COL7A1: variants seen among roughly 807,000 people sequenced by gnomAD.
COL7A1 encodes the protein collagen type VII alpha 1 chain.
COL7A1 carries 296 observed loss-of-function variants against 456.2 expected under a neutral mutation model. That is an observed-to-expected ratio of 0.65 (90% CI 0.59 to 0.71). The LOEUF is 0.71. COL7A1 is among the 30% of genes least tolerant of loss of function. The pLI, the probability that COL7A1 is intolerant of heterozygous loss-of-function variation, is 0.00. For synonymous variants in COL7A1, 1,464 were observed against 1,525.9 expected (o/e 0.96, Z 0.95); for missense variants, 3,441 against 4,017.2 (o/e 0.86, Z 3.88).
Position 48,589,602 on chromosome 3 carries a change from G to A in COL7A1, c.2167C>T (p.His723Tyr), listed in dbSNP as rs1200537150. ...TGYRVSWHSA[H>Y]GPEKSQLVSG... ...CCTCCCAAACCCCAGTCCCCACCGT[G>A]GGCTGAGTGCCAGGAAACCCTGTAT... is the stretch of plus-strand genomic sequence containing the variant. The change falls in exon 17 of 119, where the codon CAC (histidine) becomes TAC (tyrosine). Residue 723 changes from histidine to tyrosine, a missense_variant. Coordinates refer to ENST00000681320, the MANE Select transcript of COL7A1 (RefSeq NM_000094.4). The A allele has an allele frequency of 1.2e-6, 2 of 1,613,166 alleles. No individual in the cohort carries two copies. Among genetic ancestry groups the A allele is most frequent in the East Asian group, 4.5e-5 (2 of 44,872 alleles).
At position 48,579,870 on chromosome 3, in the gene COL7A1, C is replaced by T. The variant is rs760014655; in HGVS notation, c.5125-56G>A. The T allele has an allele frequency of 9.9e-5, 159 of 1,612,686 alleles. No homozygotes were observed. The highest frequency in any genetic ancestry group is 1.3e-4 in the Non-Finnish European group (156 of 1,179,280). ...GCTCAACAAGGGGAAGAGGAGTTGG[C>T]GAGGGGATACAGGGTCTGTGAGGGG... On this transcript the variant is annotated intron_variant, in intron 57 of 118. Coordinates refer to ENST00000681320, the MANE Select transcript of COL7A1 (RefSeq NM_000094.4). The surrounding 1 kb of genome is among the most constrained non-coding windows in gnomAD (Gnocchi z 4.4).
chr3:48,568,578 C>T lies in COL7A1; in HGVS notation c.7759-44G>A. 6.3e-7 allele frequency: 1 copy of T among 1,588,300 alleles called. No homozygotes were observed. The highest frequency in any genetic ancestry group is 1.1e-5 in the South Asian group (1 of 88,634). ...GGGGAGCCCTTCAGTGGGACTGTCC[C>T]CAACACTGGCCCATCCGCTGCATGT... is the stretch of plus-strand genomic sequence containing the variant. On this transcript the variant is annotated intron_variant, in intron 104 of 118. Coordinates refer to ENST00000681320, the MANE Select transcript of COL7A1 (RefSeq NM_000094.4). The surrounding 1 kb of genome is among the most constrained non-coding windows in gnomAD (Gnocchi z 5.2).
At position 48,573,183 on chromosome 3, in the gene COL7A1, TGAAGGGCCG is replaced by T. The variant is rs2107661452; in HGVS notation, c.6696_6704del (p.Pro2234_Gly2236del). ...ACAGGGACTCACTCACCACAAGGCC[TGAAGGGCCG>T]GGGGGTCCAGGAAGTCCCACAGCTC... is the stretch of plus-strand genomic sequence containing the variant. On this transcript the variant is annotated inframe_deletion, in exon 85 of 119. Coordinates refer to ENST00000681320, the MANE Select transcript of COL7A1 (RefSeq NM_000094.4). This position sits in a 1 kb window ranked among gnomAD's most constrained non-coding sequence, Gnocchi z 5.5. 6.2e-7 allele frequency: 1 copy of T among 1,614,036 alleles called. No homozygotes were observed. Among genetic ancestry groups the T allele is most frequent in the Non-Finnish European group, 8.5e-7 (1 of 1,179,968 alleles).
At position 48,579,090 on chromosome 3, in the gene COL7A1, G is replaced by T. The variant is rs189092631; in HGVS notation, c.5388+107C>A. The T allele has an allele frequency of 4.5e-6, 7 of 1,547,324 alleles. No individual in the cohort carries two copies. Among genetic ancestry groups the T allele is most frequent in the Non-Finnish European group, 6.2e-6 (7 of 1,122,184 alleles). On this transcript the variant is annotated intron_variant, in intron 62 of 118. Coordinates refer to ENST00000681320, the MANE Select transcript of COL7A1 (RefSeq NM_000094.4). The surrounding 1 kb of genome is among the most constrained non-coding windows in gnomAD (Gnocchi z 4.4). Reference sequence around the variant, plus strand: ...GGAGAAGACACAGACAACAGGTCTCGCCCCAGAGCTCGTCAAGGCCAAGAC... The same window carrying T: ...GGAGAAGACACAGACAACAGGTCTCTCCCCAGAGCTCGTCAAGGCCAAGAC...
In COL7A1 at chr3:48,568,043, A is replaced by G. The variant is rs752373994; in HGVS notation, c.7875+47T>C. 16 of 1,611,764 alleles carry G rather than the reference A, an allele frequency of 9.9e-6. No homozygotes were observed. Among genetic ancestry groups the G allele is most frequent in the Non-Finnish European group, 1.3e-5 (15 of 1,177,968 alleles). ...GACCCCAGGTCCCTCGCCCTTCAAC[A>G]TTAGGCCTTCCTGACCAGAAAAAAA... On this transcript the variant is annotated intron_variant, in intron 106 of 118. Coordinates refer to ENST00000681320, the MANE Select transcript of COL7A1 (RefSeq NM_000094.4). This position sits in a 1 kb window ranked among gnomAD's most constrained non-coding sequence, Gnocchi z 5.2.
At chr3:48,589,549 C>T in intron 17 of COL7A1, 50 bp downstream of exon 17, 1 of 1,612,308 alleles carries the variant, frequency 6.2e-7, no homozygotes, top group Non-Finnish European at 8.5e-7. Flanking sequence ...CAATAAACCC[C>T]CAGCCCCCAT....
In COL7A1 at chr3:48,572,126, CCTT is replaced by C. The variant is rs1560206805; in HGVS notation, c.7021_7023del (p.Lys2341del). On this transcript the variant is annotated inframe_deletion and splice_region_variant, in exon 91 of 119. Transcript: ENST00000681320. This position sits in a 1 kb window ranked among gnomAD's most constrained non-coding sequence, Gnocchi z 4.6. ...CAGGCCCCAGGGCCAACCCACCTCA[CCTT>C]CTCGCCTCGCGGCCCTGGCAGTCCT... is the stretch of plus-strand genomic sequence containing the variant. The C allele has an allele frequency of 6.2e-7, 1 of 1,614,082 alleles. No homozygotes were observed. Among genetic ancestry groups the C allele is most frequent in the South Asian group, 1.1e-5 (1 of 91,082 alleles).
rs778791929 is a variant in COL7A1 at position 48,581,549 on chromosome 3, C to T, written c.4782+24G>A. ...CACCACCTCATCTCCCTCTGTCACA[C>T]TCCCCATTCCCACATTGATTCACCC... On this transcript the variant is annotated intron_variant, in intron 50 of 118. Transcript: ENST00000681320. The surrounding 1 kb of genome is among the most constrained non-coding windows in gnomAD (Gnocchi z 5.8). 1.2e-6 allele frequency: 2 copies of T among 1,614,126 alleles called. No individual in the cohort carries two copies.
rs1488849646 is a variant in COL7A1 at position 48,574,274 on chromosome 3, A to G, written c.6489T>C (p.Pro2163=). The G allele has an allele frequency of 6.2e-7, 1 of 1,613,946 alleles. No individual in the cohort carries two copies. The highest frequency in any genetic ancestry group is 1.3e-5 in the African/African-American group (1 of 74,880). ...AGCCACCACTCACCGGCTTCCCTTC[A>G]GGCCCAGCCATACCACGCTCTCCTG... ...GLPGERGMAG[P]EGKPGLQGPR... is the part of the protein sequence containing the mutation. The change falls in exon 80 of 119, where the codon CCT becomes CCC. Residue 2163 remains proline, a synonymous_variant. Coordinates refer to ENST00000681320, the MANE Select transcript of COL7A1 (RefSeq NM_000094.4). This position sits in a 1 kb window ranked among gnomAD's most constrained non-coding sequence, Gnocchi z 5.0.
rs2043972049 is a variant in COL7A1 at position 48,572,189 on chromosome 3, G to A, written c.6979-18C>T. On this transcript the variant is annotated intron_variant, in intron 90 of 118. Coordinates refer to ENST00000681320, the MANE Select transcript of COL7A1 (RefSeq NM_000094.4). This position sits in a 1 kb window ranked among gnomAD's most constrained non-coding sequence, Gnocchi z 4.6. ...TTGGCTCCCTGTTGACAGAGGTCAGGAGGCAACACAGGCATCAGTCACAGA... is the reference window on the plus strand; with the variant it reads ...TTGGCTCCCTGTTGACAGAGGTCAGAAGGCAACACAGGCATCAGTCACAGA... The A allele has an allele frequency of 1.2e-6, 2 of 1,614,062 alleles. No homozygotes were observed. The highest frequency in any genetic ancestry group is 1.7e-6 in the Non-Finnish European group (2 of 1,180,020).
In COL7A1 at chr3:48,578,567, GCACAC is replaced by G. The variant is rs1417885341; in HGVS notation, c.5425-57_5425-53del. 1 of 1,592,554 alleles carries G rather than the reference GCACAC, an allele frequency of 6.3e-7. No homozygotes were observed. On this transcript the variant is annotated intron_variant, in intron 63 of 118. Coordinates refer to ENST00000681320, the MANE Select transcript of COL7A1 (RefSeq NM_000094.4). This position sits in a 1 kb window ranked among gnomAD's most constrained non-coding sequence, Gnocchi z 4.7. ...TAGGGCCTCTGAGATATCCCTTGGGGCACACCCCATGGACTAAGAGGACCCCAAAA... is the reference window on the plus strand; with the variant it reads ...TAGGGCCTCTGAGATATCCCTTGGGGCCCATGGACTAAGAGGACCCCAAAA...
intron 18 of COL7A1, 83 bp downstream of exon 18, chr3:48,589,244 G>A (rs959870313): frequency 1.3e-6 from 2 of 1,592,712 alleles, no homozygotes; most frequent in East Asian, 2.2e-5. Flanking sequence ...GCAGGGGGGT[G>A]GAGGCAGCTG....
chr3:48,591,590 G>T lies in COL7A1; in HGVS notation c.1510C>A (p.Pro504Thr). 1 of 1,613,624 alleles carries T rather than the reference G, an allele frequency of 6.2e-7. No individual in the cohort carries two copies. Among genetic ancestry groups the T allele is most frequent in the Non-Finnish European group, 8.5e-7 (1 of 1,179,996 alleles). ...ATPATVVPTG[P>T]ELPVSPVTDL... ...GTTACAGGGCTCACAGGCAGCTCTG[G>T]TCCTGTTGGAGAGCACAGCATAGAG... Residue 504 changes from proline to threonine, a missense_variant and splice_region_variant, in exon 13 of 119, where the codon CCA becomes ACA. This residue lies in a region of COL7A1 where 913 missense variants were observed against 1,088.2 expected (regional missense o/e 0.84). Transcript: ENST00000681320. This position sits in a 1 kb window ranked among gnomAD's most constrained non-coding sequence, Gnocchi z 7.0.
rs2046003291 is a variant in COL7A1 at position 48,595,254 on chromosome 3, A to T, written c.-2+14T>A. On this transcript the variant is annotated intron_variant, in intron 1 of 118. Coordinates refer to ENST00000681320, the MANE Select transcript of COL7A1 (RefSeq NM_000094.4). ...CCGAGCCCAGCGCCCCTCCAGCCCG[A>T]GTCCTGGTCTTGCCTGCGCGTCCGC... is the stretch of plus-strand genomic sequence containing the variant. 4 of 1,052,676 alleles carry T rather than the reference A, an allele frequency of 3.8e-6. No homozygotes were observed. The highest frequency in any genetic ancestry group is 5.7e-6 in the Non-Finnish European group (4 of 702,024). 65.2% of individuals were successfully genotyped at this position (1,052,676 alleles called of 1,614,324 possible). A position where few individuals can be genotyped will look rare whatever the true frequency, so the allele number is the denominator to read the frequency against.
rs549323311 is a variant in COL7A1 at position 48,571,060 on chromosome 3, G to A, written c.7164+41C>T. Reference sequence around the variant, plus strand: ...CTCCCTCTTCCTCCTGTGGGGGCCCGGCCTGCTGCCCCTACAACTGGTGAT... The same window carrying A: ...CTCCCTCTTCCTCCTGTGGGGGCCCAGCCTGCTGCCCCTACAACTGGTGAT... On this transcript the variant is annotated intron_variant, in intron 94 of 118. Transcript: ENST00000681320. This position sits in a 1 kb window ranked among gnomAD's most constrained non-coding sequence, Gnocchi z 4.6. 1.7e-5 allele frequency: 27 copies of A among 1,612,372 alleles called. No homozygotes were observed. The highest frequency in any genetic ancestry group is 8.0e-5 in the African/African-American group (6 of 74,964).
At position 48,570,780 on chromosome 3, in the gene COL7A1, A is replaced by G. The variant is rs1308697149; in HGVS notation, c.7273-70T>C. The G allele has an allele frequency of 5.1e-6, 8 of 1,557,668 alleles. No individual in the cohort carries two copies. Among genetic ancestry groups the G allele is most frequent in the Non-Finnish European group, 2.6e-6 (3 of 1,150,748 alleles). ...CCCTCCTACCCTCTGCCCCCTCAAG[A>G]CTGGGAACCCCCAAGGCAGGGCCCC... On this transcript the variant is annotated intron_variant, in intron 95 of 118. Coordinates refer to ENST00000681320, the MANE Select transcript of COL7A1 (RefSeq NM_000094.4). The surrounding 1 kb of genome is among the most constrained non-coding windows in gnomAD (Gnocchi z 5.5).
In COL7A1 at chr3:48,583,351, G is replaced by C. The variant is rs1218301174; in HGVS notation, c.4437+42C>G. On this transcript the variant is annotated intron_variant, in intron 42 of 118. Transcript: ENST00000681320. This position sits in a 1 kb window ranked among gnomAD's most constrained non-coding sequence, Gnocchi z 5.1. ...CTCCCCTAACACCATGGGGAGCCCA[G>C]AGTAGCACCCCTCACACCTGAATCC... 1.9e-6 allele frequency: 3 copies of C among 1,613,242 alleles called. No homozygotes were observed. Among genetic ancestry groups the C allele is most frequent in the South Asian group, 1.1e-5 (1 of 91,062 alleles).
chr3:48,576,271 C>T lies in COL7A1; in HGVS notation c.5798G>A (p.Arg1933Gln), dbSNP rs201722048. 3.7e-5 allele frequency: 59 copies of T among 1,613,792 alleles called. 1 individual carries two copies. The African/African-American group carries it at 4.9e-4, about 13-fold the overall frequency. ...EQGLPGERGL[R>Q]GEPGSVPNVD... ...CACCGGCACACTTCCAGGCTCTCCTCGCAGGCCACGCTCTCCAGGGAGGCC... is the reference window on the plus strand; with the variant it reads ...CACCGGCACACTTCCAGGCTCTCCTTGCAGGCCACGCTCTCCAGGGAGGCC... Residue 1933 changes from arginine to glutamine, a missense_variant, in exon 71 of 119, where the codon CGA becomes CAA. This residue lies in a region of COL7A1 where 2,084 missense variants were observed against 2,501.3 expected (regional missense o/e 0.83). Coordinates refer to ENST00000681320, the MANE Select transcript of COL7A1 (RefSeq NM_000094.4).
rs1253135845 is a variant in COL7A1 at position 48,567,230 on chromosome 3, C to T, written c.8047-40G>A. On this transcript the variant is annotated intron_variant, in intron 109 of 118. Coordinates refer to ENST00000681320, the MANE Select transcript of COL7A1 (RefSeq NM_000094.4). This position sits in a 1 kb window ranked among gnomAD's most constrained non-coding sequence, Gnocchi z 4.3. ...AGCATGAGAGACCTTCTGCCCTGAC[C>T]TCCCTCAGCTCTGGAACCTCCCTGA... The T allele has an allele frequency of 6.2e-7, 1 of 1,610,702 alleles. No homozygotes were observed. The highest frequency in any genetic ancestry group is 1.7e-5 in the Admixed American group (1 of 60,022).
Sources: gnomAD v4.1 joint callset for allele counts on GRCh38, gnomAD v4.1.1 for gene constraint, gnomAD v4.1.1 regional missense constraint, Gnocchi (gnomAD v3.1) non-coding constraint, MANE v1.5 for transcripts, NCBI Gene and HGNC (gene_info 2026-07-23, HGNC 2026-07-21) for gene names.